Variants in DNAH8 observed in about 807,000 individuals in gnomAD.
DNAH8 encodes the protein dynein axonemal heavy chain 8.
In DNAH8, 382 loss-of-function variants were observed where a neutral mutation model predicts 562.1. That is an observed-to-expected ratio of 0.68 (90% CI 0.63 to 0.74). The LOEUF (loss-of-function observed/expected upper bound fraction) is 0.74, where lower values mean the gene tolerates loss of function less well. Among genes scored for constraint, DNAH8 ranks in the 30% least tolerant of loss-of-function variants. The pLI, the probability that DNAH8 is intolerant of heterozygous loss-of-function variation, is 0.00. For missense variants in DNAH8, 5,203 were observed against 5,620.4 expected, an observed-to-expected ratio of 0.93 and a Z score of 2.37; for synonymous variants, 1,881 against 1,919.4, an observed-to-expected ratio of 0.98 and a Z score of 0.52.
intron 33 of DNAH8, 116 bp downstream of exon 33, chr6:38,838,158 A>G (rs915179507): frequency 1.6e-6 from 1 of 631,410 alleles, no homozygotes; most frequent in Non-Finnish European, 2.7e-6. Flanking sequence ...TTGGAGCACA[A>G]CTGAATATTC....
chr6:38,959,127 T>G (rs1762453803), intron 82 of DNAH8, among the ~76,000 whole-genome samples: 1 of 152,122 alleles, frequency 6.6e-6, no homozygotes, highest in Non-Finnish European at 1.5e-5. Context: ...GGAATGTACC[T>G]CAACACAATA....
chr6:38,761,061 C>G (rs1766446914), intron 10 of DNAH8, among the ~76,000 whole-genome samples: 1 of 139,872 alleles, frequency 7.1e-6, no homozygotes, highest in African/African-American at 2.6e-5. Flanking sequence ...CTCATTTGCT[C>G]TTCATTTTTT....
At chr6:38,948,623 T>C (rs528780693) in intron 80 of DNAH8, among the ~76,000 whole-genome samples, 6 of 152,344 alleles carry the variant, frequency 3.9e-5, no homozygotes, top group South Asian at 2.1e-4. Context: ...CATGAGCCAC[T>C]GTGTACTGTG....
Position 38,874,076 on chromosome 6 carries a change from C to CTTTCTT in DNAH8, c.7620+702_7620+707dup, listed in dbSNP as rs1777735100. Among the ~76,000 whole-genome samples the CTTTCTT allele has an allele frequency of 2.7e-5, 2 of 73,710 alleles. 1 individual carries two copies. Among genetic ancestry groups the CTTTCTT allele is most frequent in the Non-Finnish European group, 5.8e-5 (2 of 34,714 alleles). The allele number at this position is 73,710 out of a possible 152,430, so 48.4% of individuals were successfully genotyped here. A position where few individuals can be genotyped will look rare whatever the true frequency, so the allele number is the denominator to read the frequency against. ...TTTCTTTCTTTCTTTCTTTTTCTTT[C>CTTTCTT]TTTCTTTCTTTCTTTCTTTCTCTTT... On this transcript the variant is annotated intron_variant, in intron 52 of 92. Coordinates refer to ENST00000327475, the MANE Select transcript of DNAH8 (RefSeq NM_001206927.2).
At chr6:38,920,803 C>CA (rs1781643431) in intron 70 of DNAH8, among the ~76,000 whole-genome samples, 1 of 152,248 alleles carries the variant, frequency 6.6e-6, no homozygotes, top group South Asian at 2.1e-4. Flanking sequence ...ACAATACTCA[C>CA]AGGTTATGTC....
At chr6:38,782,610 A>C (rs1768743737) in intron 16 of DNAH8, among the ~76,000 whole-genome samples, 1 of 152,126 alleles carries the variant, frequency 6.6e-6, no homozygotes, top group Admixed American at 6.5e-5. Flanking sequence ...CGTTTGATAC[A>C]TGGTTACCTT....
rs1782574508 is a variant in DNAH8, at chr6:38,931,893, C to T, written c.11357C>T (p.Thr3786Ile). Reference protein sequence around the residue: ...ITTKLPNPAFTPEINAKTSVI... With the variant: ...ITTKLPNPAFIPEINAKTSVI... ...ACGAAGTTACCAAATCCTGCCTTTA[C>T]CCCAGAGATTAATGCTAAAACGTCA... Residue 3786 changes from threonine to isoleucine, a missense_variant, in exon 76 of 93, where the codon ACC becomes ATC. Thr to Ile is a moderately conservative substitution (Grantham distance 89). Transcript: ENST00000327475. 6.2e-7 allele frequency: 1 copy of T among 1,611,096 alleles called. No individual in the cohort carries two copies. The highest frequency in any genetic ancestry group is 1.3e-5 in the African/African-American group (1 of 74,732).
intron 46 of DNAH8, 23 bp downstream of exon 46, chr6:38,866,700 A>T (rs368671071): frequency 1.9e-6 from 3 of 1,603,494 alleles, no homozygotes; most frequent in Admixed American, 3.4e-5. Flanking sequence ...ATTTAAAAGC[A>T]TAATGTGCTT....
At chr6:38,755,385 T>G (rs2206860) in intron 9 of DNAH8, among the ~76,000 whole-genome samples, 91,478 of 151,914 alleles carry the variant, frequency 0.6, 28,255 homozygotes, top group East Asian at 0.82. Flanking sequence ...GCTCTACCTT[T>G]TTCTACTTGT....
chr6:38,737,977 A>G lies in DNAH8; in HGVS notation c.1116+5A>G, dbSNP rs1388697156. Reference sequence around the variant, plus strand: ...TGGTACAAACAGATCGAACAGGTGAATTGACTCAAACAATTGCATCTGGAC... The same window carrying G: ...TGGTACAAACAGATCGAACAGGTGAGTTGACTCAAACAATTGCATCTGGAC... On this transcript the variant is annotated splice_donor_5th_base_variant and intron_variant, in intron 7 of 92. Coordinates refer to ENST00000327475, the MANE Select transcript of DNAH8 (RefSeq NM_001206927.2). 2 of 1,609,332 alleles carry G rather than the reference A, an allele frequency of 1.2e-6. No individual in the cohort carries two copies. Among genetic ancestry groups the G allele is most frequent in the Non-Finnish European group, 8.5e-7 (1 of 1,177,662 alleles).
chr6:38,803,309 C>G lies in DNAH8; in HGVS notation c.3032C>G (p.Ser1011Ter). The G allele has an allele frequency of 1.3e-6, 2 of 1,598,016 alleles. No homozygotes were observed. The highest frequency in any genetic ancestry group is 2.2e-5 in the East Asian group (1 of 44,470). ...VKYTGKVGKQ[S>*]EQRKHVVFGS... is the part of the protein sequence containing the mutation. ...TACACTGGGAAAGTAGGAAAACAGTCAGGTAACTTTTCTCGTTACTGTGTT... is the reference window on the plus strand; with the variant it reads ...TACACTGGGAAAGTAGGAAAACAGTGAGGTAACTTTTCTCGTTACTGTGTT... Residue 1011 changes from serine to a stop codon, truncating the protein, a stop_gained and splice_region_variant, in exon 22 of 93, where the codon TCA becomes TGA. Transcript: ENST00000327475. LOFTEE classifies it high-confidence loss of function.
intron 81 of DNAH8, among the ~76,000 whole-genome samples, chr6:38,950,381 A>C (rs7770451): frequency 0.87 from 132,900 of 151,894 alleles, 58,213 homozygotes; most frequent in East Asian, 0.98. Flanking sequence ...GATATTGTCA[A>C]CCTTCAAGAG....
At chr6:38,899,323 C>T (rs1779909608) in intron 61 of DNAH8, among the ~76,000 whole-genome samples, 1 of 152,144 alleles carries the variant, frequency 6.6e-6, no homozygotes, top group Non-Finnish European at 1.5e-5. Flanking sequence ...AATTTGTTGG[C>T]AGAGATATGA....
intron 26 of DNAH8, among the ~76,000 whole-genome samples, chr6:38,820,689 G>T (rs1446447776): frequency 6.6e-6 from 1 of 152,050 alleles, no homozygotes; most frequent in African/African-American, 2.4e-5. Flanking sequence ...ACCAAATGAG[G>T]TTTATCCCAT....
rs1165586513 is a variant in DNAH8, at chr6:38,838,043, G to T, written c.4466+1G>T. ...ATTATGAGGTTTTACACAAAACCAGGTAAGTTTAGAAAATAAGCAAGTATT... is the reference window on the plus strand; with the variant it reads ...ATTATGAGGTTTTACACAAAACCAGTTAAGTTTAGAAAATAAGCAAGTATT... On this transcript the variant is annotated splice_donor_variant, in intron 33 of 92. Transcript: ENST00000327475. LOFTEE classifies it high-confidence loss of function. 1.3e-6 allele frequency: 2 copies of T among 1,591,906 alleles called. No homozygotes were observed. The highest frequency in any genetic ancestry group is 1.7e-6 in the Non-Finnish European group (2 of 1,165,484).
chr6:38,965,042 C>T (rs940031905), intron 82 of DNAH8, among the ~76,000 whole-genome samples: 6 of 150,332 alleles, frequency 4.0e-5, no homozygotes, highest in South Asian at 2.1e-4. Context: ...CCAGCCTGGG[C>T]GACAAAGCAA....
In DNAH8 at chr6:38,963,180, A is replaced by T. The variant is rs529918495; in HGVS notation, c.12452-8412A>T. ...ATAAATAAAATAAAAGCACAAACAAAGAAACAAGGATAGGTGTGTAGGCTG... is the reference window on the plus strand; with the variant it reads ...ATAAATAAAATAAAAGCACAAACAATGAAACAAGGATAGGTGTGTAGGCTG... On this transcript the variant is annotated intron_variant, in intron 82 of 92. Transcript: ENST00000327475. 1.8e-4 allele frequency among the ~76,000 whole-genome samples: 27 copies of T among 152,054 alleles called. No individual in the cohort carries two copies. In the East Asian group the frequency reaches 4.1e-3, roughly 23 times the overall value.
At position 38,848,700 on chromosome 6, in the gene DNAH8, A is replaced by T; in HGVS notation, c.5098A>T (p.Thr1700Ser). ...CCAGAATTGGGTGTATAAATTGTCC[A>T]CTTCCTCAGATATAATTGAAGAGTG... ...NIQNWVYKLS[T>S]SSDIIEEWLV... The change falls in exon 37 of 93, where the codon ACT (threonine) becomes TCT (serine). Residue 1700 changes from threonine to serine, a missense_variant. This residue lies in a region of DNAH8 where 2,176 missense variants were observed against 2,365.1 expected (regional missense o/e 0.92). Transcript: ENST00000327475. 3.7e-6 allele frequency: 6 copies of T among 1,612,430 alleles called. No individual in the cohort carries two copies. The highest frequency in any genetic ancestry group is 5.1e-6 in the Non-Finnish European group (6 of 1,178,626).
chr6:38,724,385 T>C (rs563017679), intron 3 of DNAH8, among the ~76,000 whole-genome samples: 24 of 152,350 alleles, frequency 1.6e-4, no homozygotes, highest in Non-Finnish European at 3.1e-4. Context: ...ATGTCAGAAG[T>C]TAGAGGCATA....
Sources: allele counts gnomAD v4.1 joint callset (sites outside exome capture counted in the v4.1 genomes callset), GRCh38; gene constraint gnomAD v4.1.1; regional missense constraint gnomAD v4.1.1; transcripts MANE v1.5; gene names NCBI Gene and HGNC (gene_info 2026-07-23, HGNC 2026-07-21).